Variants in ADGRB3 observed in about 807,000 individuals in gnomAD.
ADGRB3 encodes the protein adhesion G protein-coupled receptor B3, also known as brain-specific angiogenesis inhibitor 3.
Under a neutral mutation model 193.4 loss-of-function variants are expected in ADGRB3, and 37 were observed. The observed-to-expected ratio is 0.19, with a 90% CI of 0.15 to 0.25. The LOEUF (loss-of-function observed/expected upper bound fraction) is 0.25, where lower values mean the gene tolerates loss of function less well. ADGRB3 is among the 10% of genes least tolerant of loss of function. The probability of loss-of-function intolerance (pLI) is 1.00; values close to 1 mark genes in which losing one functional copy is unlikely to be tolerated. For synonymous variants in ADGRB3, 690 were observed against 644.2 expected (o/e 1.07, Z -1.08); for missense variants, 1,637 against 1,852.9 (o/e 0.88, Z 2.14).
chr6:69,114,480 T>G (rs1466902548), intron 17 of ADGRB3, among the ~76,000 whole-genome samples: 1 of 152,216 alleles, frequency 6.6e-6, no homozygotes, highest in Non-Finnish European at 1.5e-5. Flanking sequence ...CTGATGATAG[T>G]TTCTTTTGCT....
At chr6:69,237,551 A>G (rs1488618102) in intron 19 of ADGRB3, among the ~76,000 whole-genome samples, 1 of 152,084 alleles carries the variant, frequency 6.6e-6, no homozygotes, top group African/African-American at 2.4e-5. Flanking sequence ...GTGAAAATTG[A>G]GACATTTCAT....
intron 17 of ADGRB3, among the ~76,000 whole-genome samples, chr6:69,153,097 A>T (rs1435094368): frequency 6.6e-6 from 1 of 152,162 alleles, no homozygotes; most frequent in African/African-American, 2.4e-5. Flanking sequence ...TAAAAGGACT[A>T]TATTTAAAAT....
intron 3 of ADGRB3, among the ~76,000 whole-genome samples, chr6:68,724,960 T>G (rs1765647788): frequency 1.3e-5 from 2 of 151,638 alleles, no homozygotes; most frequent in South Asian, 4.1e-4. Context: ...TATAATCTGG[T>G]CTGTTTTTTT....
At chr6:69,366,213 G>A (rs1285899864) in intron 29 of ADGRB3, among the ~76,000 whole-genome samples, 1 of 151,946 alleles carries the variant, frequency 6.6e-6, no homozygotes, top group African/African-American at 2.4e-5. Flanking sequence ...CTGGATTACA[G>A]AATTTTGTCT....
intron 3 of ADGRB3, among the ~76,000 whole-genome samples, chr6:68,723,611 A>G (rs140025556): frequency 1.2e-3 from 185 of 151,884 alleles, no homozygotes; most frequent in African/African-American, 4.2e-3. Flanking sequence ...ATAATTTATC[A>G]TCTATCAGCA....
intron 17 of ADGRB3, among the ~76,000 whole-genome samples, chr6:69,119,733 T>C (rs562827943): frequency 6.6e-6 from 1 of 152,278 alleles, no homozygotes; most frequent in South Asian, 2.1e-4. Context: ...GGAAGACTTA[T>C]CAGGAGCGGA....
chr6:68,658,814 G>T (rs187502666), intron 3 of ADGRB3, among the ~76,000 whole-genome samples: 1 of 151,118 alleles, frequency 6.6e-6, no homozygotes, highest in Non-Finnish European at 1.5e-5. Flanking sequence ...AACACAACGA[G>T]CTGCTTAATC....
chr6:69,143,767 C>T (rs1251032071), intron 17 of ADGRB3, among the ~76,000 whole-genome samples: 1 of 152,072 alleles, frequency 6.6e-6, no homozygotes, highest in Non-Finnish European at 1.5e-5. Context: ...CAGTACCATG[C>T]TTTTTTGGTT....
intron 3 of ADGRB3, among the ~76,000 whole-genome samples, chr6:68,748,101 C>G (rs1406597222): frequency 6.6e-6 from 1 of 152,134 alleles, no homozygotes; most frequent in Non-Finnish European, 1.5e-5. Context: ...CTCCCACACA[C>G]ATGAGAATTC....
intron 3 of ADGRB3, among the ~76,000 whole-genome samples, chr6:68,882,148 C>G (rs139183275): frequency 1.7e-3 from 254 of 152,186 alleles, no homozygotes; most frequent in South Asian, 6.8e-3. Flanking sequence ...AATGCTTTTT[C>G]TAAACCTGGG....
intron 17 of ADGRB3, among the ~76,000 whole-genome samples, chr6:69,214,120 G>A (rs1765724257): frequency 6.6e-6 from 1 of 152,164 alleles, no homozygotes. Context: ...CTGAACTGGA[G>A]AAGAATATCC....
chr6:69,039,720 A>G (rs973220031), intron 13 of ADGRB3, among the ~76,000 whole-genome samples: 2 of 151,634 alleles, frequency 1.3e-5, no homozygotes, highest in Admixed American at 1.3e-4. Flanking sequence ...AAAAATGAGG[A>G]AGATTACATA....
At position 69,339,277 on chromosome 6, in the gene ADGRB3, C is replaced by T. The variant is rs1052758057; in HGVS notation, c.3288-56C>T. On this transcript the variant is annotated intron_variant, in intron 25 of 31. Transcript: ENST00000370598. Reference sequence around the variant, plus strand: ...AATGCTTTGTTGAATGGGGGTTTGGCTATGGCCTGGGGTGTGATGTATAGC... The same window carrying T: ...AATGCTTTGTTGAATGGGGGTTTGGTTATGGCCTGGGGTGTGATGTATAGC... The T allele has an allele frequency of 2.6e-6, 4 of 1,565,730 alleles. No homozygotes were observed. The African/African-American group carries it at 4.1e-5, about 16-fold the overall frequency.
At chr6:69,325,819 A>C (rs1166300446) in intron 21 of ADGRB3, among the ~76,000 whole-genome samples, 2 of 152,228 alleles carry the variant, frequency 1.3e-5, no homozygotes, top group African/African-American at 4.8e-5. Context: ...GAACACGTAA[A>C]TATTATTCAT....
At chr6:68,811,716 C>T (rs191969448) in intron 3 of ADGRB3, among the ~76,000 whole-genome samples, 6 of 152,178 alleles carry the variant, frequency 3.9e-5, no homozygotes, top group East Asian at 1.9e-4. Flanking sequence ...ATGATCCACC[C>T]GCTTTGGGCT....
chr6:68,698,250 G>A (rs1765188280), intron 3 of ADGRB3, among the ~76,000 whole-genome samples: 1 of 151,878 alleles, frequency 6.6e-6, no homozygotes, highest in Admixed American at 6.6e-5. Flanking sequence ...TTTTTTATGT[G>A]GTTGGTAGTG....
chr6:69,179,834 GA>G (rs1775533598), intron 17 of ADGRB3, among the ~76,000 whole-genome samples: 1 of 152,172 alleles, frequency 6.6e-6, no homozygotes, highest in Non-Finnish European at 1.5e-5. Flanking sequence ...TTATGGGTAA[GA>G]GCTGTCTGTG....
At chr6:69,381,311 C>G (rs1037234342) in intron 30 of ADGRB3, among the ~76,000 whole-genome samples, 1 of 151,880 alleles carries the variant, frequency 6.6e-6, no homozygotes, top group African/African-American at 2.4e-5. Context: ...GTTAATCGCT[C>G]TATAATTGCT....
At chr6:68,641,720 A>G (rs181295902) in intron 3 of ADGRB3, among the ~76,000 whole-genome samples, 80 of 152,284 alleles carry the variant, frequency 5.3e-4, no homozygotes, top group Admixed American at 8.5e-4. Context: ...CTTACAAAAT[A>G]CATGTACCAC....
Sources: allele counts gnomAD v4.1 joint callset (sites outside exome capture counted in the v4.1 genomes callset), GRCh38; gene constraint gnomAD v4.1.1; transcripts MANE v1.5; gene names NCBI Gene and HGNC (gene_info 2026-07-23, HGNC 2026-07-21).